Variants in ASXL3 observed in about 807,000 individuals in gnomAD.
The protein encoded by ASXL3 is ASXL transcriptional regulator 3.
A neutral mutation model predicts 170.6 loss-of-function variants in ASXL3; 34 were observed. That is an observed-to-expected ratio of 0.20 (90% CI 0.15 to 0.27). ASXL3 has a LOEUF of 0.27. Ranked by LOEUF, ASXL3 falls within the 10% of genes least tolerant of loss-of-function variation. ASXL3 has a pLI of 1.00. For missense variants in ASXL3, 2,592 were observed against 2,695.3 expected, an observed-to-expected ratio of 0.96 and a Z score of 0.85; for synonymous variants, 1,002 against 989.1, an observed-to-expected ratio of 1.01 and a Z score of -0.24.
Position 33,745,678 on chromosome 18 carries a change from A to C in ASXL3, c.5830A>C (p.Thr1944Pro). The C allele has an allele frequency of 2.5e-6, 4 of 1,613,884 alleles. No homozygotes were observed. The highest frequency in any genetic ancestry group is 3.4e-6 in the Non-Finnish European group (4 of 1,179,868). ...TGTGGCTGCCAGGGGCCCCATTCCTACTGCAGCTCTGTTACAGGCCTCTTC... is the reference window on the plus strand; with the variant it reads ...TGTGGCTGCCAGGGGCCCCATTCCTCCTGCAGCTCTGTTACAGGCCTCTTC... ...MPVAARGPIPTAALLQASSKT... is the reference protein window; with the variant it reads ...MPVAARGPIPPAALLQASSKT... Residue 1944 changes from threonine (T) to proline (P), a missense_variant, in exon 12 of 12, where the codon ACT (threonine) becomes CCT (proline). Transcript: ENST00000269197.
At chr18:33,708,389 A>G (rs2067000263) in intron 8 of ASXL3, among the ~76,000 whole-genome samples, 1 of 152,228 alleles carries the variant, frequency 6.6e-6, no homozygotes, top group Non-Finnish European at 1.5e-5. Flanking sequence ...GAATGTGTAC[A>G]TGTTGATAAA....
chr18:33,628,532 A>T lies in ASXL3; in HGVS notation c.138-16362A>T, dbSNP rs527782401. Among the ~76,000 whole-genome samples, 232 of 152,144 alleles carry T rather than the reference A, an allele frequency of 1.5e-3. 1 individual carries two copies. Among genetic ancestry groups the T allele is most frequent in the African/African-American group, 4.6e-3 (190 of 41,500 alleles). ...CAAATGAACAGGTTTAGAATTTTGG[A>T]TTTTCTATCTTTGTTCTGACATTTC... On this transcript the variant is annotated intron_variant, in intron 2 of 11. Coordinates refer to ENST00000269197, the MANE Select transcript of ASXL3 (RefSeq NM_030632.3).
chr18:33,653,676 C>G (rs1343314010), intron 4 of ASXL3, among the ~76,000 whole-genome samples: 1 of 152,052 alleles, frequency 6.6e-6, no homozygotes, highest in African/African-American at 2.4e-5. Flanking sequence ...CCTGTTTCCT[C>G]TCTCCTGCCA....
At chr18:33,586,352 A>G (rs1488212470) in intron 1 of ASXL3, among the ~76,000 whole-genome samples, 2 of 152,104 alleles carry the variant, frequency 1.3e-5, no homozygotes, top group Non-Finnish European at 2.9e-5. Context: ...CCAAATGTGC[A>G]CACAACAAAT....
intron 2 of ASXL3, among the ~76,000 whole-genome samples, chr18:33,624,775 G>C (rs1355709841): frequency 6.6e-6 from 1 of 152,064 alleles, no homozygotes; most frequent in Non-Finnish European, 1.5e-5. Flanking sequence ...CTCTTAGGAG[G>C]TGCATATGTA....
chr18:33,589,493 C>A (rs909019994), intron 1 of ASXL3, among the ~76,000 whole-genome samples: 1 of 151,964 alleles, frequency 6.6e-6, no homozygotes, highest in African/African-American at 2.4e-5. Context: ...GACGGCATTA[C>A]CTTGAAGGGG....
At chr18:33,690,361 AAGAG>A (rs1441502241) in intron 8 of ASXL3, 1 of 152,190 alleles carries the variant, frequency 6.6e-6, no homozygotes, top group Non-Finnish European at 1.5e-5. Context: ...TACTAGATCT[AAGAG>A]AGATCTCAGA....
intron 8 of ASXL3, among the ~76,000 whole-genome samples, chr18:33,697,839 C>CAA (rs11376417): frequency 6.6e-6 from 1 of 151,576 alleles, no homozygotes; most frequent in Non-Finnish European, 1.5e-5. Flanking sequence ...CTCTGTCTCT[C>CAA]AAAAAAATCA....
intron 1 of ASXL3, among the ~76,000 whole-genome samples, chr18:33,599,472 T>G (rs1443378325): frequency 2.6e-5 from 4 of 152,146 alleles, no homozygotes; most frequent in Admixed American, 6.6e-5. Context: ...TTCCATTGCT[T>G]TGTTTAGCTC....
At chr18:33,654,130 T>A (rs2066045900) in intron 4 of ASXL3, among the ~76,000 whole-genome samples, 1 of 152,062 alleles carries the variant, frequency 6.6e-6, no homozygotes, top group African/African-American at 2.4e-5. Flanking sequence ...CATTTAAGCA[T>A]ACTTTCATCT....
intron 1 of ASXL3, among the ~76,000 whole-genome samples, chr18:33,604,068 T>G (rs113788302): frequency 6.6e-6 from 1 of 151,962 alleles, no homozygotes; most frequent in Non-Finnish European, 1.5e-5. Context: ...TCAGCAAAAA[T>G]TTTTTTGAAA....
At chr18:33,682,970 A>G (rs2066537720) in intron 7 of ASXL3, among the ~76,000 whole-genome samples, 2 of 152,104 alleles carry the variant, frequency 1.3e-5, no homozygotes, top group South Asian at 4.1e-4. Flanking sequence ...ACACACAGCT[A>G]TTTTTGCTAT....
intron 8 of ASXL3, among the ~76,000 whole-genome samples, chr18:33,717,757 T>G (rs1384756833): frequency 6.6e-6 from 1 of 152,118 alleles, no homozygotes; most frequent in Non-Finnish European, 1.5e-5. Context: ...TGGTTTAGTT[T>G]TTTTGGCCTT....
At chr18:33,689,892 A>G (rs1287947428) in intron 8 of ASXL3, among the ~76,000 whole-genome samples, 2 of 152,088 alleles carry the variant, frequency 1.3e-5, no homozygotes, top group African/African-American at 4.8e-5. Flanking sequence ...GTGTGTGTGC[A>G]TCTATATGTA....
chr18:33,695,268 G>T (rs912212515), intron 8 of ASXL3, among the ~76,000 whole-genome samples: 2 of 151,982 alleles, frequency 1.3e-5, no homozygotes, highest in African/African-American at 4.8e-5. Context: ...TATTTTAATG[G>T]AACTGACACT....
At chr18:33,656,759 T>A (rs995540564) in intron 4 of ASXL3, among the ~76,000 whole-genome samples, 6 of 152,082 alleles carry the variant, frequency 3.9e-5, no homozygotes, top group Non-Finnish European at 7.4e-5. Context: ...ATATTATCCC[T>A]AATTGACTTT....
chr18:33,738,039 G>C (rs185461035), intron 10 of ASXL3, among the ~76,000 whole-genome samples: 121 of 151,322 alleles, frequency 8.0e-4, no homozygotes, highest in African/African-American at 2.8e-3. Context: ...GGTAAGGCTC[G>C]TATCTCCTTA....
chr18:33,584,931 T>C (rs1423829025), intron 1 of ASXL3, among the ~76,000 whole-genome samples: 2 of 152,078 alleles, frequency 1.3e-5, no homozygotes, highest in Non-Finnish European at 2.9e-5. Context: ...CTTTTTTTTT[T>C]CTATGTAACT....
chr18:33,693,603 G>A (rs2066723107), intron 8 of ASXL3, among the ~76,000 whole-genome samples: 1 of 152,092 alleles, frequency 6.6e-6, no homozygotes, highest in Non-Finnish European at 1.5e-5. Context: ...AAAGTGGCTT[G>A]GTGTATTTTC....
Sources: gnomAD v4.1 joint callset for allele counts (sites outside exome capture counted in the v4.1 genomes callset) on GRCh38, gnomAD v4.1.1 for gene constraint, MANE v1.5 for transcripts, NCBI Gene and HGNC (gene_info 2026-07-23, HGNC 2026-07-21) for gene names.